AP2S1: variants seen among roughly 807,000 people sequenced by gnomAD.
AP2S1 encodes AP-2 complex subunit sigma.
In AP2S1, 6 loss-of-function variants were observed where a neutral mutation model predicts 21.0. That is an observed-to-expected ratio of 0.29 (90% CI 0.16 to 0.56). The LOEUF is 0.56. Among genes scored for constraint, AP2S1 ranks in the 20% least tolerant of loss-of-function variants. The pLI, the probability that AP2S1 is intolerant of heterozygous loss-of-function variation, is 0.92. For missense variants in AP2S1, 60 were observed against 186.2 expected (o/e 0.32, Z 3.95); for synonymous variants, 63 against 74.6 (o/e 0.84, Z 0.80).
chr19:46,840,990 G>T (rs1427801138), intron 2 of AP2S1, among the ~76,000 whole-genome samples: 1 of 151,756 alleles, frequency 6.6e-6, no homozygotes, highest in East Asian at 1.9e-4. Context: ...GTCTCACTCT[G>T]TCGCCCAGGC....
At position 46,838,290 on chromosome 19, in the gene AP2S1, G is replaced by A; in HGVS notation, c.*157C>T. On this transcript the variant is annotated 3_prime_UTR_variant, in exon 5 of 5. Coordinates refer to ENST00000263270, the MANE Select transcript of AP2S1 (RefSeq NM_004069.6). The surrounding 1 kb of genome is among the most constrained non-coding windows in gnomAD (Gnocchi z 4.1). ...TGCCCACAGCCAGGGCCCAGAGGCA[G>A]TGGGGTGCAGTCTCCTCCCTTGTGG... 1.5e-6 allele frequency: 1 copy of A among 652,052 alleles called. No homozygotes were observed. The highest frequency in any genetic ancestry group is 2.7e-6 in the Non-Finnish European group (1 of 373,012). The allele number at this position is 652,052 out of a possible 1,614,324, so 40.4% of individuals were successfully genotyped here.
intron 2 of AP2S1, among the ~76,000 whole-genome samples, chr19:46,844,013 C>T (rs1222597683): frequency 2.6e-5 from 4 of 152,002 alleles, no homozygotes; most frequent in East Asian, 3.9e-4. Context: ...TGGATTCAAG[C>T]GATTCTCCTG....
At chr19:46,850,396 C>T (rs1214685933) in intron 1 of AP2S1, 2 of 1,221,356 alleles carry the variant, frequency 1.6e-6, no homozygotes, top group Non-Finnish European at 2.1e-6. Flanking sequence ...ACTTCCAGAG[C>T]GCCTTCCTCT....
chr19:46,844,360 C>T (rs1214215402), intron 2 of AP2S1, among the ~76,000 whole-genome samples: 1 of 152,166 alleles, frequency 6.6e-6, no homozygotes, highest in Non-Finnish European at 1.5e-5. Flanking sequence ...CCTAAGTATT[C>T]TCCTGCCCCA....
chr19:46,841,910 G>A (rs911729076), intron 2 of AP2S1, among the ~76,000 whole-genome samples: 1 of 152,158 alleles, frequency 6.6e-6, no homozygotes, highest in African/African-American at 2.4e-5. Context: ...ATTGGACGAC[G>A]GCCAGGTGCC....
At chr19:46,843,801 G>C (rs1461705691) in intron 2 of AP2S1, among the ~76,000 whole-genome samples, 1 of 152,142 alleles carries the variant, frequency 6.6e-6, no homozygotes, top group African/African-American at 2.4e-5. Context: ...AGCTGAGGTG[G>C]GAGGCTTGCT....
At chr19:46,842,986 C>T (rs939372360) in intron 2 of AP2S1, among the ~76,000 whole-genome samples, 3 of 152,168 alleles carry the variant, frequency 2.0e-5, no homozygotes, top group African/African-American at 7.2e-5. Flanking sequence ...AACCCTGACT[C>T]GTCACTTCTT....
chr19:46,846,445 T>TG (rs1411112369), intron 1 of AP2S1, among the ~76,000 whole-genome samples: 1 of 143,650 alleles, frequency 7.0e-6, no homozygotes, highest in East Asian at 2.0e-4. Context: ...CTCTCTGTTT[T>TG]TTTTTTTTTT....
In AP2S1 at chr19:46,850,831, T is replaced by A. The variant is rs1599779579; in HGVS notation, c.-65A>T. 1.3e-6 allele frequency: 2 copies of A among 1,492,800 alleles called. No individual in the cohort carries two copies. Among genetic ancestry groups the A allele is most frequent in the Non-Finnish European group, 1.8e-6 (2 of 1,110,630 alleles). 92.5% of individuals were successfully genotyped at this position (1,492,800 alleles called of 1,614,324 possible). On this transcript the variant is annotated 5_prime_UTR_variant, in exon 1 of 5. Transcript: ENST00000263270. ...GCGACTGGGCAGCTCCGGCTCAGGG[T>A]GCAGTTGTAGGGCCCAGAGCTAGAG...
intron 1 of AP2S1, among the ~76,000 whole-genome samples, chr19:46,849,825 C>T (rs1303613163): frequency 6.6e-6 from 1 of 152,134 alleles, no homozygotes; most frequent in Non-Finnish European, 1.5e-5. Context: ...CACTCCCAAG[C>T]TTCCTCCCTT....
intron 2 of AP2S1, among the ~76,000 whole-genome samples, chr19:46,840,612 C>T (rs2055501705): frequency 6.6e-6 from 1 of 151,950 alleles, no homozygotes; most frequent in South Asian, 2.1e-4. Context: ...TGCACTCCAG[C>T]CCGGGAGACC....
intron 2 of AP2S1, among the ~76,000 whole-genome samples, chr19:46,840,191 A>G (rs186474958): frequency 2.3e-4 from 35 of 152,106 alleles, no homozygotes; most frequent in East Asian, 2.1e-3. Context: ...CAATAGTAAC[A>G]CAGACACACA....
chr19:46,849,355 C>T (rs886423420), intron 1 of AP2S1, among the ~76,000 whole-genome samples: 13 of 151,252 alleles, frequency 8.6e-5, no homozygotes, highest in Non-Finnish European at 1.3e-4. Flanking sequence ...CTCCCTCCCC[C>T]AACCAACCAA....
chr19:46,850,583 C>A (rs1221043863), intron 1 of AP2S1, 181 bp downstream of exon 1: 4 of 644,376 alleles, frequency 6.2e-6, no homozygotes, highest in Non-Finnish European at 1.0e-5. Flanking sequence ...GTAACCCCCG[C>A]GCGCAGAATC....
chr19:46,842,385 CTA>C (rs971775984), intron 2 of AP2S1, among the ~76,000 whole-genome samples: 1 of 152,144 alleles, frequency 6.6e-6, no homozygotes, highest in Non-Finnish European at 1.5e-5. Flanking sequence ...CCTTCCTGGG[CTA>C]TGAGTCCCAA....
intron 1 of AP2S1, 42 bp downstream of exon 1, chr19:46,850,722 G>GCC: frequency 6.7e-7 from 1 of 1,498,308 alleles, no homozygotes; most frequent in African/African-American, 1.4e-5. Flanking sequence ...TTACGCGTGG[G>GCC]CCCCCCCTCC....
intron 2 of AP2S1, among the ~76,000 whole-genome samples, chr19:46,840,473 T>C (rs1238453745): frequency 6.6e-6 from 1 of 151,580 alleles, no homozygotes; most frequent in Non-Finnish European, 1.5e-5. Context: ...AAACCCCATC[T>C]ATACAAAAGT....
intron 2 of AP2S1, among the ~76,000 whole-genome samples, chr19:46,842,855 G>A (rs574323393): frequency 6.6e-6 from 1 of 152,098 alleles, no homozygotes; most frequent in Non-Finnish European, 1.5e-5. Flanking sequence ...CTCTCTGCCT[G>A]CAGACGTGGC....
chr19:46,850,644 C>A lies in AP2S1; in HGVS notation c.3+120G>T, dbSNP rs748955699. ...CCTGGATCGGTCCCAATCCCCAGAG[C>A]CCGCGCCTGACCCAGACCATCCGCG... On this transcript the variant is annotated intron_variant, in intron 1 of 4. Coordinates refer to ENST00000263270, the MANE Select transcript of AP2S1 (RefSeq NM_004069.6). 5 of 972,082 alleles carry A rather than the reference C, an allele frequency of 5.1e-6. No homozygotes were observed. In the African/African-American group the frequency reaches 6.6e-5, roughly 13 times the overall value. The allele number at this position is 972,082 out of a possible 1,614,324, so 60.2% of individuals were successfully genotyped here. A position where few individuals can be genotyped will look rare whatever the true frequency, so the allele number is the denominator to read the frequency against.
Sources: gnomAD v4.1 joint callset for allele counts (sites outside exome capture counted in the v4.1 genomes callset) on GRCh38, gnomAD v4.1.1 for gene constraint, Gnocchi (gnomAD v3.1) non-coding constraint, MANE v1.5 for transcripts, NCBI Gene and HGNC (gene_info 2026-07-23, HGNC 2026-07-21) for gene names.